HIP1R: variants seen among roughly 807,000 people sequenced by gnomAD.
The protein encoded by HIP1R is huntingtin interacting protein 1 related, also known as huntingtin-interacting protein 1-related protein.
Under a neutral mutation model 144.2 loss-of-function variants are expected in HIP1R, and 135 were observed. That is an observed-to-expected ratio of 0.94 (90% confidence interval 0.81 to 1.08). The LOEUF is 1.08. Among genes scored for constraint, HIP1R ranks in the 50% least tolerant of loss-of-function variants. HIP1R has a pLI of 0.00. For missense variants in HIP1R, 1,462 were observed against 1,432.8 expected, an observed-to-expected ratio of 1.02 and a Z score of -0.33; for synonymous variants, 698 against 612.8, an observed-to-expected ratio of 1.14 and a Z score of -2.05.
Position 122,861,825 on chromosome 12 carries a change from G to C in HIP1R, c.*72G>C. The C allele has an allele frequency of 5.5e-6, 8 of 1,451,668 alleles. No homozygotes were observed. Among genetic ancestry groups the C allele is most frequent in the Non-Finnish European group, 7.7e-6 (8 of 1,042,220 alleles). The allele number at this position is 1,451,668 out of a possible 1,614,324, so 89.9% of individuals were successfully genotyped here. ...TGCAACTGCCCTGACAGGACCGAGA[G>C]GCCTTGCCCCTCCACCTGGTGCCCA... On this transcript the variant is annotated 3_prime_UTR_variant, in exon 32 of 32. Coordinates refer to ENST00000253083, the MANE Select transcript of HIP1R (RefSeq NM_003959.3).
Position 122,840,069 on chromosome 12 carries a change from G to C in HIP1R, c.93+4426G>C, listed in dbSNP as rs2033015703. Among the ~76,000 whole-genome samples, 1 of 152,244 alleles carries C rather than the reference G, an allele frequency of 6.6e-6. No individual in the cohort carries two copies. Among genetic ancestry groups the C allele is most frequent in the Admixed American group, 6.5e-5 (1 of 15,284 alleles). On this transcript the variant is annotated intron_variant, in intron 1 of 31. Transcript: ENST00000253083. The surrounding 1 kb of genome is among the most constrained non-coding windows in gnomAD (Gnocchi z 4.2). ...TCTCGCCCCGTGACATCCTCTGCTC[G>C]GTTCCACCCCATCAGCCCACATGGT...
intron 5 of HIP1R, chr12:122,850,366 T>C: frequency 2.2e-6 from 1 of 460,718 alleles, no homozygotes; most frequent in South Asian, 1.6e-5. Flanking sequence ...GGGCCCTGGT[T>C]CAGTGGCCGC....
chr12:122,854,180 T>C lies in HIP1R; in HGVS notation c.715T>C (p.Ser239Pro). Reference sequence around the variant, plus strand: ...GGTCAAGCTCCTGTTCAAGCTACACTCTTGTGAGTGGCCCAGGGCAACCCC... The same window carrying C: ...GGTCAAGCTCCTGTTCAAGCTACACCCTTGTGAGTGGCCCAGGGCAACCCC... Reference protein sequence around the residue: ...YTVKLLFKLHSCLPADTLQGH... With the variant: ...YTVKLLFKLHPCLPADTLQGH... Residue 239 changes from serine to proline, a missense_variant, in exon 8 of 32, where the codon TCT (serine) becomes CCT (proline). Transcript: ENST00000253083. 6.2e-7 allele frequency: 1 copy of C among 1,613,246 alleles called. No homozygotes were observed. Among genetic ancestry groups the C allele is most frequent in the Non-Finnish European group, 8.5e-7 (1 of 1,179,728 alleles).
chr12:122,849,686 G>C (rs1438893935), intron 4 of HIP1R, among the ~76,000 whole-genome samples, 189 bp from the exon 5 acceptor site: 1 of 152,268 alleles, frequency 6.6e-6, no homozygotes, highest in East Asian at 1.9e-4. Flanking sequence ...GAGTTTCTTT[G>C]GCAGGAATGA....
In HIP1R at chr12:122,855,364, CTCAT is replaced by C. The variant is rs1417447762; in HGVS notation, c.954_957del (p.Ile319ArgfsTer29). The C allele has an allele frequency of 6.3e-7, 1 of 1,599,034 alleles. No individual in the cohort carries two copies. The highest frequency in any genetic ancestry group is 1.3e-5 in the African/African-American group (1 of 74,504). On this transcript the variant is annotated frameshift_variant, in exon 11 of 32. Transcript: ENST00000253083. LOFTEE classifies it high-confidence loss of function. ...CCCGGAAGATGAGGAGCCGGAGAAT[CTCAT>C]TGAGATCAGCACAGGGCCCCCCGCG...
At chr12:122,861,088 G>A (rs1459711790) in intron 29 of HIP1R, 43 bp from the exon 30 acceptor site, 1 of 1,613,402 alleles carries the variant, frequency 6.2e-7, no homozygotes, top group Non-Finnish European at 8.5e-7. Context: ...GGCTGAATGG[G>A]GGTGGGTGCC....
chr12:122,846,249 A>G (rs1026595515), intron 1 of HIP1R, among the ~76,000 whole-genome samples: 2 of 152,184 alleles, frequency 1.3e-5, no homozygotes, highest in Admixed American at 6.5e-5. Flanking sequence ...CACTAAGGAC[A>G]CAGGTTGTGG....
intron 6 of HIP1R, 35 bp from the exon 7 acceptor site, chr12:122,851,201 C>A (rs2033384327): frequency 5.4e-6 from 8 of 1,477,206 alleles, no homozygotes; most frequent in Middle Eastern, 2.2e-4. Context: ...GTCCACCCAC[C>A]CTTTTTCATT....
intron 18 of HIP1R, chr12:122,857,750 GTCT>G: frequency 7.2e-6 from 2 of 276,674 alleles, no homozygotes; most frequent in Non-Finnish European, 6.8e-6. Flanking sequence ...GCTTATTATT[GTCT>G]TCTTTTTATT....
intron 7 of HIP1R, among the ~76,000 whole-genome samples, chr12:122,852,973 C>A (rs564769562): frequency 6.6e-6 from 1 of 152,150 alleles, no homozygotes; most frequent in African/African-American, 2.4e-5. Context: ...CCCCTCCCCC[C>A]CAGGCTCTCT....
In HIP1R at chr12:122,858,216, G is replaced by A. The variant is rs776276941; in HGVS notation, c.1930G>A (p.Asp644Asn). 20 of 1,606,804 alleles carry A rather than the reference G, an allele frequency of 1.2e-5. 1 individual carries two copies. In the South Asian group the frequency reaches 2.0e-4, roughly 16 times the overall value. Reference sequence around the variant, plus strand: ...GCAGGATGCCGTGAGCAAGCTGGACGACCCCCTGCACCTGCGCTGTACCAG... The same window carrying A: ...GCAGGATGCCGTGAGCAAGCTGGACAACCCCCTGCACCTGCGCTGTACCAG... ...ILQDAVSKLD[D>N]PLHLRCTSSP... is the part of the protein sequence containing the mutation. Residue 644 changes from aspartate to asparagine, a missense_variant, in exon 19 of 32, where the codon GAC becomes AAC. By Grantham distance (23) the Asp-to-Asn change is conservative (BLOSUM62 1). Coordinates refer to ENST00000253083, the MANE Select transcript of HIP1R (RefSeq NM_003959.3).
Position 122,840,446 on chromosome 12 carries a change from G to T in HIP1R, c.93+4803G>T, listed in dbSNP as rs1489206350. On this transcript the variant is annotated intron_variant, in intron 1 of 31. Transcript: ENST00000253083. The surrounding 1 kb of genome is among the most constrained non-coding windows in gnomAD (Gnocchi z 4.2). ...AGCTCCAGGTTCAGCCCCTGGCTCT[G>T]TCCCTTCACCACTCTGCCTCAGTTT... 6.6e-6 allele frequency among the ~76,000 whole-genome samples: 1 copy of T among 152,218 alleles called. No individual in the cohort carries two copies. Among genetic ancestry groups the T allele is most frequent in the Non-Finnish European group, 1.5e-5 (1 of 68,036 alleles).
Position 122,859,336 on chromosome 12 carries a change from C to T in HIP1R, c.2296-90C>T, listed in dbSNP as rs1469149609. On this transcript the variant is annotated intron_variant, in intron 22 of 31. Coordinates refer to ENST00000253083, the MANE Select transcript of HIP1R (RefSeq NM_003959.3). ...CAGGGTGGGGACCATGCACCCTCCT[C>T]GATCCCTGTGGTCCCCAACCTCTTT... 8 of 1,466,494 alleles carry T rather than the reference C, an allele frequency of 5.5e-6. No individual in the cohort carries two copies. In the Admixed American group the frequency reaches 7.0e-5, roughly 13 times the overall value. 90.8% of individuals were successfully genotyped at this position (1,466,494 alleles called of 1,614,324 possible).
At position 122,850,897 on chromosome 12, in the gene HIP1R, C is replaced by G; in HGVS notation, c.501C>G (p.Thr167=). The G allele has an allele frequency of 6.2e-7, 1 of 1,610,440 alleles. No homozygotes were observed. Among genetic ancestry groups the G allele is most frequent in the Non-Finnish European group, 8.5e-7 (1 of 1,178,686 alleles). ...TDEVLEKAAG[T]DVNNIFQLTV... ...AGGTACTGGAGAAGGCAGCTGGGAC[C>G]GATGTCAACAACATGTGAGTCACTC... The change falls in exon 6 of 32, where the codon ACC becomes ACG. Residue 167 remains threonine, a synonymous_variant. Coordinates refer to ENST00000253083, the MANE Select transcript of HIP1R (RefSeq NM_003959.3).
chr12:122,843,798 G>A (rs1041600615), intron 1 of HIP1R, among the ~76,000 whole-genome samples: 3 of 152,152 alleles, frequency 2.0e-5, no homozygotes, highest in African/African-American at 4.8e-5. Flanking sequence ...CTGTCTCTGC[G>A]GACCCTCCAA....
chr12:122,842,598 G>T (rs1015706515), intron 1 of HIP1R, among the ~76,000 whole-genome samples: 1 of 152,188 alleles, frequency 6.6e-6, no homozygotes. Flanking sequence ...GACAACTCCG[G>T]AGCCTCCTGG....
Position 122,861,352 on chromosome 12 carries a change from G to T in HIP1R, c.2997G>T (p.Met999Ile). Residue 999 changes from methionine (M) to isoleucine (I), a missense_variant, in exon 31 of 32, where the codon ATG (methionine) becomes ATT (isoleucine). Met to Ile is a conservative substitution (Grantham distance 10). This residue lies in a region of HIP1R where 1,112 missense variants were observed against 1,011.7 expected (regional missense o/e 1.10). Transcript: ENST00000253083. Reference sequence around the variant, plus strand: ...AGAAGACGCTGGAGGCTGAACGCATGCGGCTGGGGGAGTTGCGGAAGCAAC... The same window carrying T: ...AGAAGACGCTGGAGGCTGAACGCATTCGGCTGGGGGAGTTGCGGAAGCAAC... The part of the protein sequence containing the change: ...ELEKTLEAER[M>I]RLGELRKQHY... 1 of 1,613,646 alleles carries T rather than the reference G, an allele frequency of 6.2e-7. No individual in the cohort carries two copies. Among genetic ancestry groups the T allele is most frequent in the South Asian group, 1.1e-5 (1 of 91,076 alleles).
In HIP1R at chr12:122,862,014, A is replaced by G. The variant is rs1403975525; in HGVS notation, c.*261A>G. On this transcript the variant is annotated 3_prime_UTR_variant, in exon 32 of 32. Transcript: ENST00000253083. ...CAGGACCCGGTAGGCCTGAGCCTCA[A>G]CTCTTCAGAAAATAGTGTTTTTAAT... 2.1e-6 allele frequency: 1 copy of G among 476,476 alleles called. No individual in the cohort carries two copies. The highest frequency in any genetic ancestry group is 2.0e-5 in the African/African-American group (1 of 49,986). The allele number at this position is 476,476 out of a possible 1,614,324, so 29.5% of individuals were successfully genotyped here.
chr12:122,837,047 A>G (rs761815922), intron 1 of HIP1R, among the ~76,000 whole-genome samples: 2 of 152,218 alleles, frequency 1.3e-5, no homozygotes, highest in African/African-American at 2.4e-5. Context: ...TGTGCCAAGA[A>G]CTTGTAGATC....
Sources: gnomAD v4.1 joint callset for allele counts (sites outside exome capture counted in the v4.1 genomes callset) on GRCh38, gnomAD v4.1.1 for gene constraint, gnomAD v4.1.1 regional missense constraint, Gnocchi (gnomAD v3.1) non-coding constraint, MANE v1.5 for transcripts, NCBI Gene and HGNC (gene_info 2026-07-23, HGNC 2026-07-21) for gene names.